The following CFI variants were observed in gnomAD, a reference collection of about 807,000 sequenced individuals.
CFI encodes the protein complement factor I, also known as C3B/C4B inactivator.
Under a neutral mutation model 78.8 loss-of-function variants are expected in CFI, and 66 were observed. The ratio of observed to expected loss-of-function variants is 0.84; its 90% CI spans 0.69 to 1.03. The LOEUF is 1.03. Ranked by LOEUF, CFI falls within the 50% of genes least tolerant of loss-of-function variation. The pLI, the probability that CFI is intolerant of heterozygous loss-of-function variation, is 0.00. For synonymous variants in CFI, 250 were observed against 232.6 expected (o/e 1.07, Z -0.68); for missense variants, 706 against 704.5 (o/e 1.00, Z -0.02).
intron 1 of CFI, among the ~76,000 whole-genome samples, chr4:109,783,010 C>A (rs1730260383): frequency 6.6e-6 from 1 of 152,082 alleles, no homozygotes; most frequent in Non-Finnish European, 1.5e-5. Flanking sequence ...CATCTCTCAC[C>A]TTATACAAAA....
intron 1 of CFI, among the ~76,000 whole-genome samples, chr4:109,801,195 C>T (rs1200569716): frequency 6.6e-6 from 1 of 152,166 alleles, no homozygotes; most frequent in Admixed American, 6.5e-5. Context: ...TTGTAGCCCA[C>T]AAAGCCTTCA....
At chr4:109,789,465 A>G (rs189962470) in intron 1 of CFI, among the ~76,000 whole-genome samples, 5 of 152,212 alleles carry the variant, frequency 3.3e-5, no homozygotes, top group Admixed American at 2.6e-4. Context: ...AGAAACGAAG[A>G]TAAGTATGAC....
intron 1 of CFI, among the ~76,000 whole-genome samples, chr4:109,778,843 A>C (rs1729625235): frequency 6.6e-6 from 1 of 152,214 alleles, no homozygotes; most frequent in African/African-American, 2.4e-5. Context: ...AAATCAATAA[A>C]CGTAATCCAT....
At chr4:109,735,720 G>A (rs368657098), downstream of CFI, among the ~76,000 whole-genome samples, 34 of 152,214 alleles carry the variant, frequency 2.2e-4, no homozygotes, top group African/African-American at 6.0e-4. Flanking sequence ...GGAATCAGGC[G>A]GATGAGAGAG....
chr4:109,747,703 G>A (rs1211243302), intron 10 of CFI, among the ~76,000 whole-genome samples: 1 of 152,104 alleles, frequency 6.6e-6, no homozygotes, highest in Non-Finnish European at 1.5e-5. Context: ...TTCAAAAAAT[G>A]TATTATTTAT....
chr4:109,789,469 G>A (rs549994883), intron 1 of CFI, among the ~76,000 whole-genome samples: 1 of 152,094 alleles, frequency 6.6e-6, no homozygotes, highest in African/African-American at 2.4e-5. Context: ...ACGAAGATAA[G>A]TATGACATTT....
intron 1 of CFI, among the ~76,000 whole-genome samples, chr4:109,799,734 G>T (rs565734641): frequency 6.6e-6 from 1 of 152,332 alleles, no homozygotes; most frequent in East Asian, 1.9e-4. Flanking sequence ...CTAAGGTAAT[G>T]AGAATACAGT....
chr4:109,762,372 T>C (rs2126217595), intron 3 of CFI: 1 of 152,306 alleles, frequency 6.6e-6, no homozygotes, highest in East Asian at 1.9e-4. Context: ...GCCTTGACAG[T>C]ATTAAGGTGA....
At position 109,742,656 on chromosome 4, in the gene CFI, C is replaced by G. The variant is rs1723949458; in HGVS notation, c.1430-61G>C. The G allele has an allele frequency of 9.7e-6, 10 of 1,032,302 alleles. No homozygotes were observed. In the South Asian group the frequency reaches 1.0e-4, roughly 10 times the overall value. The allele number at this position is 1,032,302 out of a possible 1,614,324, so 63.9% of individuals were successfully genotyped here. ...CAAATGAGAAATCTAAATACATACT[C>G]TCATAACTTAAACCATTGGGATTAT... is the stretch of plus-strand genomic sequence containing the variant. On this transcript the variant is annotated intron_variant, in intron 11 of 12. Coordinates refer to ENST00000394634, the MANE Select transcript of CFI (RefSeq NM_000204.5).
At position 109,749,266 on chromosome 4, in the gene CFI, C is replaced by T. The variant is rs761809946; in HGVS notation, c.1100G>A (p.Gly367Glu). The T allele has an allele frequency of 1.2e-6, 2 of 1,614,030 alleles. No individual in the cohort carries two copies. Among genetic ancestry groups the T allele is most frequent in the African/African-American group, 1.3e-5 (1 of 74,912 alleles). Residue 367 changes from glycine (G) to glutamate (E), a missense_variant, in exon 10 of 13, where the codon GGA (glycine) becomes GAA (glutamate). Physicochemically the swap from Gly to Glu is moderately conservative, Grantham distance 98. Coordinates refer to ENST00000394634, the MANE Select transcript of CFI (RefSeq NM_000204.5). ...IKDASGITCGGIYIGGCWILT... is the reference protein window; with the variant it reads ...IKDASGITCGEIYIGGCWILT... The stretch of plus-strand genomic sequence containing the variant: ...AATCCAACAGCCACCAATATAAATT[C>T]CCCCACAGGTGATTCCACTGGCATC...
chr4:109,755,581 T>A (rs1489485785), intron 7 of CFI, among the ~76,000 whole-genome samples: 1 of 152,138 alleles, frequency 6.6e-6, no homozygotes, highest in Non-Finnish European at 1.5e-5. Flanking sequence ...GCTTGTTATA[T>A]ACAAAAGTGA....
At chr4:109,756,925 G>GAAAGAAAGAAAGAAAGAAAGAA (rs1726305367) in intron 7 of CFI, among the ~76,000 whole-genome samples, 1 of 142,104 alleles carries the variant, frequency 7.0e-6, no homozygotes, top group African/African-American at 2.6e-5. Flanking sequence ...AAGAAAGAAA[G>GAAAGAAAGAAAGAAAGAAAGAA]AAAGAAAGAA....
At chr4:109,786,441 A>G (rs1019578301) in intron 1 of CFI, among the ~76,000 whole-genome samples, 1 of 152,108 alleles carries the variant, frequency 6.6e-6, no homozygotes, top group African/African-American at 2.4e-5. Context: ...ATGGTCGTTC[A>G]TTAGAACACA....
intron 11 of CFI, among the ~76,000 whole-genome samples, chr4:109,745,052 A>G (rs1191702396): frequency 1.3e-5 from 2 of 152,252 alleles, no homozygotes; most frequent in Non-Finnish European, 2.9e-5. Context: ...TGTGGCAATT[A>G]TAATGAATGT....
chr4:109,754,172 C>T (rs1725817016), intron 7 of CFI, among the ~76,000 whole-genome samples: 2 of 150,948 alleles, frequency 1.3e-5, no homozygotes, highest in African/African-American at 2.4e-5. Context: ...TTAGTAGAAA[C>T]AGGGTTTTAC....
Position 109,760,322 on chromosome 4 carries a change from T to C in CFI, c.831A>G (p.Gln277=), listed in dbSNP as rs1726881817. 1 of 1,614,204 alleles carries C rather than the reference T, an allele frequency of 6.2e-7. No homozygotes were observed. Among genetic ancestry groups the C allele is most frequent in the Non-Finnish European group, 8.5e-7 (1 of 1,180,014 alleles). ...KSGVCIPSQY[Q]CNGEVDCITG... is the part of the protein sequence containing the mutation. ...TAATGCAGTCCACCTCACCATTGCA[T>C]TGATACTGGCTTGGAATGCAAACAC... The change falls in exon 6 of 13, where the codon CAA becomes CAG. Residue 277 remains glutamine (Q), a synonymous_variant. Transcript: ENST00000394634.
At chr4:109,738,218 G>A (rs1336764062), downstream of CFI, among the ~76,000 whole-genome samples, 1 of 149,846 alleles carries the variant, frequency 6.7e-6, no homozygotes, top group Non-Finnish European at 1.5e-5. Flanking sequence ...GGGCTCAAAT[G>A]ATCCTCCCAC....
At chr4:109,793,883 A>G (rs1248649753) in intron 1 of CFI, 2 of 152,160 alleles carry the variant, frequency 1.3e-5, no homozygotes, top group Non-Finnish European at 2.9e-5. Context: ...TTCAGCCTCT[A>G]TTTATCTGTG....
chr4:109,753,804 CTAATGTATAATT>C (rs1725722102), intron 7 of CFI, among the ~76,000 whole-genome samples: 3 of 90,322 alleles, frequency 3.3e-5, no homozygotes, highest in African/African-American at 1.3e-4. Flanking sequence ...TATATATTAT[CTAATGTATAATT>C]TTATATTATA....
Sources: allele counts gnomAD v4.1 joint callset (sites outside exome capture counted in the v4.1 genomes callset), GRCh38; gene constraint gnomAD v4.1.1; transcripts MANE v1.5; gene names NCBI Gene and HGNC (gene_info 2026-07-23, HGNC 2026-07-21).